The following HEATR5A variants were observed in gnomAD, a reference collection of about 807,000 sequenced individuals.
HEATR5A encodes the protein HEAT repeat containing 5A, also known as HEAT repeat-containing protein 5A.
HEATR5A carries 178 observed loss-of-function variants against 218.8 expected under a neutral mutation model. That is an observed-to-expected ratio of 0.81 (90% CI 0.72 to 0.92). The LOEUF is 0.92. Among genes scored for constraint, HEATR5A ranks in the 40% least tolerant of loss-of-function variants. The pLI is 0.00. For missense variants in HEATR5A, 2,420 were observed against 2,418.9 expected (o/e 1.00, Z -0.01); for synonymous variants, 864 against 871.6 (o/e 0.99, Z 0.15).
chr14:31,355,689 A>C (rs910316235), intron 16 of HEATR5A, among the ~76,000 whole-genome samples: 2 of 152,052 alleles, frequency 1.3e-5, no homozygotes, highest in Non-Finnish European at 2.9e-5. Context: ...GAGCCACCGC[A>C]CTCCAGCCTG....
chr14:31,304,844 A>C, intron 32 of HEATR5A, 61 bp downstream of exon 32: 1 of 1,542,308 alleles, frequency 6.5e-7, no homozygotes, highest in South Asian at 1.2e-5. Flanking sequence ...ACTAGACTCC[A>C]TTATCTATTA....
chr14:31,343,397 A>T (rs1362305090), intron 21 of HEATR5A, among the ~76,000 whole-genome samples: 3 of 152,224 alleles, frequency 2.0e-5, no homozygotes, highest in Non-Finnish European at 2.9e-5. Flanking sequence ...AATGACAATG[A>T]ACCACTTCAA....
In HEATR5A at chr14:31,397,783, C is replaced by T. The variant is rs201657887; in HGVS notation, c.447+890G>A. On this transcript the variant is annotated intron_variant, in intron 4 of 35. Coordinates refer to ENST00000543095, the MANE Select transcript of HEATR5A (RefSeq NM_015473.4). ...AAGTGATCCTCCTGCCTCAGTCTTC[C>T]GAGGGGCTAGAACTACAGGTGTTCA... Among the ~76,000 whole-genome samples the T allele has an allele frequency of 1.5e-4, 23 of 152,208 alleles. No homozygotes were observed. In the East Asian group the frequency reaches 2.3e-3, roughly 15 times the overall value.
intron 33 of HEATR5A, among the ~76,000 whole-genome samples, chr14:31,302,086 C>A (rs1011105235): frequency 1.3e-5 from 2 of 152,004 alleles, no homozygotes; most frequent in Non-Finnish European, 2.9e-5. Flanking sequence ...CCTGACTTGG[C>A]CTCCCAAAGT....
intron 13 of HEATR5A, among the ~76,000 whole-genome samples, chr14:31,369,608 CAAAAAAAAA>C (rs71430951): frequency 1.8e-4 from 8 of 45,148 alleles, no homozygotes; most frequent in African/African-American, 5.6e-4. Context: ...AAAACTGTCT[CAAAAAAAAA>C]AAAAAAAAAA....
At chr14:31,321,728 C>A (rs749204244) in intron 24 of HEATR5A, 48 bp from the exon 25 acceptor site, 44 of 1,388,294 alleles carry the variant, frequency 3.2e-5, no homozygotes, top group Middle Eastern at 1.8e-4. Flanking sequence ...TAGAAAATAT[C>A]AAAAAAATGT....
intron 1 of HEATR5A, among the ~76,000 whole-genome samples, chr14:31,404,078 C>T (rs934042976): frequency 6.6e-6 from 1 of 152,004 alleles, no homozygotes; most frequent in East Asian, 1.9e-4. Flanking sequence ...TTTTAAAAAG[C>T]ACAACAAAAA....
At chr14:31,313,621 T>C (rs546511668) in intron 27 of HEATR5A, among the ~76,000 whole-genome samples, 2 of 152,320 alleles carry the variant, frequency 1.3e-5, no homozygotes, top group Non-Finnish European at 2.9e-5. Context: ...ATATGGATTA[T>C]AGAATGTTAA....
chr14:31,323,718 C>T lies in HEATR5A; in HGVS notation c.3634G>A (p.Asp1212Asn). ...TTGGTAAAAGGATGGGATTTTTCATCACGTCTGGTGGTCAGGACTGAGGCA... is the reference window on the plus strand; with the variant it reads ...TTGGTAAAAGGATGGGATTTTTCATTACGTCTGGTGGTCAGGACTGAGGCA... ...DDASVLTTRRDEKSHPFTNPR... is the reference protein window; with the variant it reads ...DDASVLTTRRNEKSHPFTNPR... The change falls in exon 24 of 36, where the codon GAT (aspartate) becomes AAT (asparagine). Residue 1212 changes from aspartate to asparagine, a missense_variant. Transcript: ENST00000543095. 1 of 1,613,676 alleles carries T rather than the reference C, an allele frequency of 6.2e-7. No homozygotes were observed.
At chr14:31,305,296 T>C (rs1899520563) in intron 31 of HEATR5A, 119 bp from the exon 32 acceptor site, 1 of 1,036,606 alleles carries the variant, frequency 9.6e-7, no homozygotes, top group Non-Finnish European at 1.4e-6. Context: ...AGAGTCTCGC[T>C]CTGTCACACA....
intron 14 of HEATR5A, among the ~76,000 whole-genome samples, chr14:31,363,729 C>T (rs1158710543): frequency 6.6e-6 from 1 of 152,068 alleles, no homozygotes; most frequent in African/African-American, 2.4e-5. Flanking sequence ...ACCTATAATC[C>T]CAGCACTTTG....
In HEATR5A at chr14:31,364,202, A is replaced by C; in HGVS notation, c.2058T>G (p.Pro686=). Residue 686 remains proline, a synonymous_variant, in exon 14 of 36, where the codon CCT becomes CCG. Coordinates refer to ENST00000543095, the MANE Select transcript of HEATR5A (RefSeq NM_015473.4). The stretch of plus-strand genomic sequence containing the variant: ...TAAGGCACATACCTTCATAGGTCTC[A>C]GGAGGTAATAAAATCAACAGTTCAT... The part of the protein sequence containing the change: ...RLYELLILLP[P]ETYEGNLCAI... 1.3e-6 allele frequency: 2 copies of C among 1,508,788 alleles called. No individual in the cohort carries two copies. Among genetic ancestry groups the C allele is most frequent in the Admixed American group, 2.0e-5 (1 of 50,172 alleles). 93.5% of individuals were successfully genotyped at this position (1,508,788 alleles called of 1,614,324 possible).
intron 12 of HEATR5A, among the ~76,000 whole-genome samples, chr14:31,373,328 CTT>C (rs762521678): frequency 1.4e-5 from 2 of 141,926 alleles, no homozygotes; most frequent in Non-Finnish European, 1.5e-5. Flanking sequence ...TGAAACATTA[CTT>C]TTTTTTTTTT....
chr14:31,327,111 A>G (rs1900294086), intron 22 of HEATR5A, among the ~76,000 whole-genome samples: 1 of 151,482 alleles, frequency 6.6e-6, no homozygotes, highest in Non-Finnish European at 1.5e-5. Context: ...AGTAGCTGGG[A>G]CTACAGGTGC....
intron 28 of HEATR5A, among the ~76,000 whole-genome samples, chr14:31,309,507 A>AT (rs1899667618): frequency 6.6e-6 from 1 of 152,112 alleles, no homozygotes; most frequent in Non-Finnish European, 1.5e-5. Flanking sequence ...CAATGTTCTT[A>AT]TTTTTACTGG....
intron 21 of HEATR5A, among the ~76,000 whole-genome samples, chr14:31,343,688 G>T (rs1312439206): frequency 2.0e-5 from 3 of 152,100 alleles, no homozygotes; most frequent in African/African-American, 7.2e-5. Flanking sequence ...GTACAACAAT[G>T]GGAGAAAAAT....
At chr14:31,365,512 C>T (rs757944124) in intron 13 of HEATR5A, among the ~76,000 whole-genome samples, 5 of 152,010 alleles carry the variant, frequency 3.3e-5, no homozygotes, top group African/African-American at 4.8e-5. Flanking sequence ...AGGCACGTGC[C>T]ACCACGCCTG....
intron 23 of HEATR5A, among the ~76,000 whole-genome samples, chr14:31,325,471 G>C (rs1357160190): frequency 6.6e-6 from 1 of 151,334 alleles, no homozygotes; most frequent in Non-Finnish European, 1.5e-5. Context: ...GGGTGGGGTG[G>C]GTATGTATGA....
chr14:31,374,216 G>A (rs1902142461), intron 12 of HEATR5A, among the ~76,000 whole-genome samples: 2 of 150,070 alleles, frequency 1.3e-5, no homozygotes, highest in Non-Finnish European at 2.9e-5. Context: ...TGACGTGAGA[G>A]GATCACTAGC....
Sources: allele counts gnomAD v4.1 joint callset (sites outside exome capture counted in the v4.1 genomes callset), GRCh38; gene constraint gnomAD v4.1.1; transcripts MANE v1.5; gene names NCBI Gene and HGNC (gene_info 2026-07-23, HGNC 2026-07-21).